Variants in SLC7A2 observed in about 807,000 individuals in gnomAD.
The protein encoded by SLC7A2 is cationic amino acid transporter 2.
In SLC7A2, 48 loss-of-function variants were observed where a neutral mutation model predicts 58.9. The observed-to-expected ratio is 0.82, with a 90% CI of 0.65 to 1.04. SLC7A2 has a LOEUF of 1.04. Ranked by LOEUF, SLC7A2 falls within the 50% of genes least tolerant of loss-of-function variation. SLC7A2 has a pLI of 0.00. For missense variants in SLC7A2, 1,029 were observed against 818.8 expected, an observed-to-expected ratio of 1.26 and a Z score of -3.13; for synonymous variants, 363 against 314.5, an observed-to-expected ratio of 1.15 and a Z score of -1.63.
At chr8:17,540,395 T>C (rs564849328) in intron 2 of SLC7A2, among the ~76,000 whole-genome samples, 49 of 152,274 alleles carry the variant, frequency 3.2e-4, no homozygotes, top group African/African-American at 1.1e-3. Context: ...ACAAATGGGA[T>C]CTTTGTCTTT....
At chr8:17,528,303 T>A (rs1801300755) in intron 2 of SLC7A2, among the ~76,000 whole-genome samples, 1 of 152,194 alleles carries the variant, frequency 6.6e-6, no homozygotes, top group South Asian at 2.1e-4. Flanking sequence ...TTTGCCTCCC[T>A]ACATCTGGAA....
chr8:17,536,956 G>T (rs992254171), intron 2 of SLC7A2, among the ~76,000 whole-genome samples: 2 of 152,216 alleles, frequency 1.3e-5, no homozygotes, highest in African/African-American at 4.8e-5. Context: ...GGCCTGGGGG[G>T]ACAGAAAAGC....
upstream of SLC7A2, among the ~76,000 whole-genome samples, chr8:17,495,387 C>T (rs1419619945): frequency 6.6e-6 from 1 of 152,212 alleles, no homozygotes; most frequent in Non-Finnish European, 1.5e-5. Context: ...TAAAAGTCCA[C>T]ACGCATCATT....
At chr8:17,536,586 A>AT (rs1024502393) in intron 2 of SLC7A2, among the ~76,000 whole-genome samples, 14 of 152,092 alleles carry the variant, frequency 9.2e-5, no homozygotes, top group African/African-American at 2.4e-5. Context: ...ATGTCAAGCT[A>AT]TTTTTTTCAA....
At position 17,560,492 on chromosome 8, in the gene SLC7A2, A is replaced by T. The variant is rs1802918821; in HGVS notation, c.1463A>T (p.Gln488Leu). 1.5e-5 allele frequency: 25 copies of T among 1,613,938 alleles called. No homozygotes were observed. The highest frequency in any genetic ancestry group is 2.1e-5 in the Non-Finnish European group (25 of 1,179,878). Residue 488 changes from glutamine (Q) to leucine (L), a missense_variant, in exon 10 of 13, where the codon CAG (glutamine) becomes CTG (leucine). Coordinates refer to ENST00000494857, the MANE Select transcript of SLC7A2 (RefSeq NM_001370338.1). ...TTCTGCCCCTCCCTTCTGCCAACAC[A>T]GCAGTCAGCTTCTCTCGTGAGCTTT... is the stretch of plus-strand genomic sequence containing the variant. The part of the protein sequence containing the change: ...TLFCPSLLPT[Q>L]QSASLVSFLV...
Position 17,560,366 on chromosome 8 carries a change from C to G in SLC7A2, c.1337C>G (p.Ser446Cys), listed in dbSNP as rs776298668. Residue 446 changes from serine to cysteine, a missense_variant, in exon 10 of 13, where the codon TCT (serine) becomes TGT (cysteine). Coordinates refer to ENST00000494857, the MANE Select transcript of SLC7A2 (RefSeq NM_001370338.1). ...TTATCTTACGACCAGCCCAAATGTT[C>G]TCCTGAGAAAGATGGTCTGGGATCG... ...PGLSYDQPKCSPEKDGLGSSP... is the reference protein window; with the variant it reads ...PGLSYDQPKCCPEKDGLGSSP... 1.2e-6 allele frequency: 2 copies of G among 1,613,978 alleles called. No homozygotes were observed. Among genetic ancestry groups the G allele is most frequent in the South Asian group, 2.2e-5 (2 of 91,084 alleles).
chr8:17,543,423 C>T lies in SLC7A2; in HGVS notation c.84C>T (p.Thr28=), dbSNP rs1563464607. Residue 28 remains threonine, a synonymous_variant, in exon 3 of 13, where the codon ACC becomes ACT. Coordinates refer to ENST00000494857, the MANE Select transcript of SLC7A2 (RefSeq NM_001370338.1). Reference sequence around the variant, plus strand: ...TGACCCTGGACAGTCTAGAAGACACCAAATTATGCCGCTGCTTATCCACCA... The same window carrying T: ...TGACCCTGGACAGTCTAGAAGACACTAAATTATGCCGCTGCTTATCCACCA... The part of the protein sequence containing the change: ...KIVTLDSLED[T]KLCRCLSTMD... 3 of 1,614,032 alleles carry T rather than the reference C, an allele frequency of 1.9e-6. No homozygotes were observed. In the African/African-American group the frequency reaches 4.0e-5, roughly 22 times the overall value.
intron 1 of SLC7A2, chr8:17,499,930 C>T (rs1800087846): frequency 6.6e-6 from 1 of 152,170 alleles, no homozygotes; most frequent in Non-Finnish European, 1.5e-5. Flanking sequence ...TCACATAACA[C>T]ATGCTTATAT....
chr8:17,532,968 TTGTTTTAAGGACCTTC>T (rs1298638544), intron 2 of SLC7A2, among the ~76,000 whole-genome samples: 7 of 152,318 alleles, frequency 4.6e-5, no homozygotes, highest in African/African-American at 1.7e-4. Flanking sequence ...TATAGTGGCC[TTGTTTTAAGGACCTTC>T]AGTTTTAAGG....
chr8:17,555,144 G>C, intron 8 of SLC7A2: 8 of 1,504,362 alleles, frequency 5.3e-6, no homozygotes, highest in Non-Finnish European at 7.3e-6. Context: ...CGCATGCATG[G>C]ACTTATAAAG....
At chr8:17,519,861 C>A (rs546856004) in intron 2 of SLC7A2, among the ~76,000 whole-genome samples, 1 of 152,046 alleles carries the variant, frequency 6.6e-6, no homozygotes, top group Non-Finnish European at 1.5e-5. Flanking sequence ...CTCCATAAAA[C>A]CTTCTAGAGT....
At chr8:17,536,439 G>A (rs570203369) in intron 2 of SLC7A2, among the ~76,000 whole-genome samples, 72 of 152,000 alleles carry the variant, frequency 4.7e-4, no homozygotes, top group African/African-American at 1.7e-3. Context: ...ATGTGGTGGC[G>A]GGTGCCTGTA....
chr8:17,525,157 G>C (rs1283087313), intron 2 of SLC7A2, among the ~76,000 whole-genome samples: 1 of 151,926 alleles, frequency 6.6e-6, no homozygotes, highest in Non-Finnish European at 1.5e-5. Flanking sequence ...TTTCTTTCTG[G>C]GTGTCTTAGA....
intron 2 of SLC7A2, among the ~76,000 whole-genome samples, chr8:17,527,929 G>A (rs909486158): frequency 6.6e-6 from 1 of 152,112 alleles, no homozygotes; most frequent in Non-Finnish European, 1.5e-5. Flanking sequence ...TGACTAATTA[G>A]GATTTTTTTA....
Position 17,503,641 on chromosome 8 carries a change from A to G in SLC7A2, c.-23+1339A>G, listed in dbSNP as rs567916501. ...GCTCATAGTTCGCAGAATATTTGCA[A>G]CTTGCCAAGGTACTTGTCCTGACAA... On this transcript the variant is annotated intron_variant, in intron 2 of 12. Transcript: ENST00000494857. Among the ~76,000 whole-genome samples, 556 of 149,766 alleles carry G rather than the reference A, an allele frequency of 3.7e-3. 1 individual carries two copies. Among genetic ancestry groups the G allele is most frequent in the Admixed American group, 0.012 (181 of 15,050 alleles).
At chr8:17,547,018 C>G (rs1802203392) in intron 4 of SLC7A2, among the ~76,000 whole-genome samples, 1 of 151,912 alleles carries the variant, frequency 6.6e-6, no homozygotes, top group Non-Finnish European at 1.5e-5. Context: ...AGTCTGATAA[C>G]TTTTCTACAT....
intron 2 of SLC7A2, among the ~76,000 whole-genome samples, chr8:17,512,647 G>A (rs550387212): frequency 3.9e-5 from 6 of 151,918 alleles, no homozygotes; most frequent in African/African-American, 1.4e-4. Context: ...ATTTAAAATC[G>A]CAGTTAGTAG....
chr8:17,517,325 A>C (rs1585197542), intron 2 of SLC7A2, among the ~76,000 whole-genome samples: 2 of 152,340 alleles, frequency 1.3e-5, no homozygotes, highest in African/African-American at 4.8e-5. Flanking sequence ...GGGCCAGAAG[A>C]CTTTGCTTGT....
intron 2 of SLC7A2, among the ~76,000 whole-genome samples, chr8:17,514,718 T>C (rs1007644129): frequency 6.6e-6 from 1 of 152,182 alleles, no homozygotes; most frequent in Non-Finnish European, 1.5e-5. Flanking sequence ...CTTATAGAAA[T>C]GTTCAATAAA....
Sources: gnomAD v4.1 joint callset for allele counts (sites outside exome capture counted in the v4.1 genomes callset) on GRCh38, gnomAD v4.1.1 for gene constraint, MANE v1.5 for transcripts, NCBI Gene and HGNC (gene_info 2026-07-23, HGNC 2026-07-21) for gene names.